The following YY1 variants were observed in gnomAD, a reference collection of about 807,000 sequenced individuals.
YY1 encodes the protein YY1 transcription factor.
YY1 carries 2 observed loss-of-function variants against 35.6 expected under a neutral mutation model. The ratio of observed to expected loss-of-function variants is 0.06; its 90% CI spans 0.02 to 0.18. The LOEUF (loss-of-function observed/expected upper bound fraction) is 0.18, where lower values mean the gene tolerates loss of function less well. Among genes scored for constraint, YY1 ranks in the 10% least tolerant of loss-of-function variants. The probability of loss-of-function intolerance (pLI) is 1.00; values close to 1 mark genes in which losing one functional copy is unlikely to be tolerated. For missense variants in YY1, 322 were observed against 573.4 expected (o/e 0.56, Z 4.48); for synonymous variants, 268 against 238.9 (o/e 1.12, Z -1.12).
chr14:100,257,908 G>A (rs922325982), intron 1 of YY1, among the ~76,000 whole-genome samples: 9 of 152,220 alleles, frequency 5.9e-5, no homozygotes, highest in Non-Finnish European at 1.3e-4. Context: ...GTAGGCCAAG[G>A]CGGATTGCTT....
intron 1 of YY1, among the ~76,000 whole-genome samples, chr14:100,261,827 C>G (rs575830624): frequency 6.6e-6 from 1 of 152,182 alleles, no homozygotes; most frequent in Admixed American, 6.5e-5. Flanking sequence ...TTGGTAGTTG[C>G]CAGGAAATGT....
intron 1 of YY1, among the ~76,000 whole-genome samples, chr14:100,255,546 G>C (rs984518681): frequency 6.6e-6 from 1 of 152,182 alleles, no homozygotes; most frequent in Non-Finnish European, 1.5e-5. Context: ...TTGAACCAGG[G>C]AGGCAGAGGT....
chr14:100,254,940 A>ATTTTTTTTTTTTTTTTTTTTTTTTTT (rs35165026), intron 1 of YY1, among the ~76,000 whole-genome samples: 1 of 29,588 alleles, frequency 3.4e-5, no homozygotes, highest in Non-Finnish European at 5.5e-5. Flanking sequence ...CGCCCAGCTA[A>ATTTTTTTTTTTTTTTTTTTTTTTTTT]TTTTTTTTTT....
intron 2 of YY1, among the ~76,000 whole-genome samples, chr14:100,268,552 G>A (rs572899082): frequency 6.6e-6 from 1 of 152,248 alleles, no homozygotes; most frequent in African/African-American, 2.4e-5. Context: ...GGGTATTTTT[G>A]TTGCTGTTCA....
chr14:100,279,412 G>A lies in YY1; in HGVS notation c.*1812G>A, dbSNP rs1006393216. The A allele has an allele frequency of 6.6e-6, 1 of 152,242 alleles. No homozygotes were observed. Among genetic ancestry groups the A allele is most frequent in the African/African-American group, 2.4e-5 (1 of 41,444 alleles). The allele number at this position is 152,242 out of a possible 1,614,324, so 9.4% of individuals were successfully genotyped here. A position where few individuals can be genotyped will look rare whatever the true frequency, so the allele number is the denominator to read the frequency against. Reference sequence around the variant, plus strand: ...CTACTAACAGTGACCCTGTGGCTCTGTGGAATTTTGAAGTGCCTTTTGTGA... The same window carrying A: ...CTACTAACAGTGACCCTGTGGCTCTATGGAATTTTGAAGTGCCTTTTGTGA... On this transcript the variant is annotated 3_prime_UTR_variant, in exon 5 of 5. Transcript: ENST00000262238.
chr14:100,242,205 G>A (rs1024753184), intron 1 of YY1, among the ~76,000 whole-genome samples: 8 of 151,942 alleles, frequency 5.3e-5, no homozygotes, highest in Non-Finnish European at 1.0e-4. Flanking sequence ...CAAATTGCTG[G>A]TCCACTTTTC....
intron 3 of YY1, 84 bp downstream of exon 3, chr14:100,274,842 C>A: frequency 7.8e-7 from 1 of 1,274,792 alleles, no homozygotes; most frequent in Non-Finnish European, 1.1e-6. Flanking sequence ...TTTGTTTCTG[C>A]TTGTGATAAT....
chr14:100,272,011 G>T (rs1004347658), intron 2 of YY1, among the ~76,000 whole-genome samples: 1 of 152,046 alleles, frequency 6.6e-6, no homozygotes, highest in African/African-American at 2.4e-5. Context: ...GAGAAAGGAC[G>T]AATATCTACA....
At chr14:100,258,166 G>C (rs1009761119) in intron 1 of YY1, among the ~76,000 whole-genome samples, 11 of 152,100 alleles carry the variant, frequency 7.2e-5, no homozygotes, top group African/African-American at 2.4e-4. Context: ...AAAACATGAG[G>C]ACAAATAGCT....
intron 2 of YY1, among the ~76,000 whole-genome samples, chr14:100,263,230 T>C (rs1891109167): frequency 6.6e-6 from 1 of 152,188 alleles, no homozygotes; most frequent in African/African-American, 2.4e-5. Flanking sequence ...ATTTTAAATT[T>C]GGGTGTGTTG....
chr14:100,262,545 T>A, intron 2 of YY1, 79 bp downstream of exon 2: 1 of 1,436,778 alleles, frequency 7.0e-7, no homozygotes, highest in Non-Finnish European at 9.8e-7. Flanking sequence ...TGTGCCTAAG[T>A]CAAAATGGTG....
At chr14:100,241,992 A>AGGGGGG (rs1566767455) in intron 1 of YY1, among the ~76,000 whole-genome samples, 5 of 95,986 alleles carry the variant, frequency 5.2e-5, no homozygotes, top group Non-Finnish European at 9.4e-5. Flanking sequence ...GGGGGGGGGC[A>AGGGGGG]TTTTTTTTTG....
chr14:100,239,817 C>T lies in YY1; in HGVS notation c.573C>T (p.Gly191=), dbSNP rs1320184921. Residue 191 remains glycine (G), a synonymous_variant, in exon 1 of 5, where the codon GGC becomes GGT. Coordinates refer to ENST00000262238, the MANE Select transcript of YY1 (RefSeq NM_003403.5). ...GKKSYLSGGA[G]AAGGGGADPG... is the part of the protein sequence containing the mutation. ...AGAGTTACCTCAGCGGCGGGGCCGG[C>T]GCGGCGGGCGGCGGCGGCGCCGACC... The T allele has an allele frequency of 1.4e-6, 2 of 1,479,762 alleles. No individual in the cohort carries two copies. The highest frequency in any genetic ancestry group is 1.4e-5 in the South Asian group (1 of 73,384). The allele number at this position is 1,479,762 out of a possible 1,614,324, so 91.7% of individuals were successfully genotyped here.
intron 1 of YY1, among the ~76,000 whole-genome samples, chr14:100,241,394 G>C (rs1454084039): frequency 6.6e-6 from 1 of 152,170 alleles, no homozygotes; most frequent in East Asian, 1.9e-4. Flanking sequence ...GAAAAAGCTA[G>C]TTTGTATCTG....
At chr14:100,242,631 G>T (rs1452379780) in intron 1 of YY1, among the ~76,000 whole-genome samples, 1 of 151,372 alleles carries the variant, frequency 6.6e-6, no homozygotes, top group Admixed American at 6.6e-5. Flanking sequence ...CTCGTGATCC[G>T]CCTGCCTCGG....
At chr14:100,269,310 T>A (rs1033258951) in intron 2 of YY1, among the ~76,000 whole-genome samples, 4 of 152,200 alleles carry the variant, frequency 2.6e-5, no homozygotes, top group Non-Finnish European at 5.9e-5. Context: ...GCATTATACC[T>A]TTTTACAGAA....
rs36009825 is a variant in YY1 at position 100,281,061 on chromosome 14, C to CAAAAAAAAAAA, written c.*3477_*3487dup. 1 of 100,882 alleles carries CAAAAAAAAAAA rather than the reference C, an allele frequency of 9.9e-6. No homozygotes were observed. The highest frequency in any genetic ancestry group is 4.9e-5 in the African/African-American group (1 of 20,574). 6.2% of individuals were successfully genotyped at this position (100,882 alleles called of 1,614,324 possible). ...GGTGACAGAGCAAGACTCCGTCTCCCAAAAAAAAAAAAAAAAAAAAAAAAA... is the reference window on the plus strand; with the variant it reads ...GGTGACAGAGCAAGACTCCGTCTCCCAAAAAAAAAAAAAAAAAAAAAAAAAAAAAAAAAAAA... On this transcript the variant is annotated 3_prime_UTR_variant, in exon 5 of 5. Coordinates refer to ENST00000262238, the MANE Select transcript of YY1 (RefSeq NM_003403.5).
intron 1 of YY1, among the ~76,000 whole-genome samples, chr14:100,246,120 A>G (rs998769109): frequency 1.1e-4 from 16 of 152,196 alleles, no homozygotes; most frequent in African/African-American, 3.9e-4. Context: ...TTGCATTGCC[A>G]TGTGCATAAA....
intron 1 of YY1, among the ~76,000 whole-genome samples, chr14:100,252,308 T>TGAGC (rs1890936343): frequency 6.6e-6 from 1 of 152,198 alleles, no homozygotes; most frequent in South Asian, 2.1e-4. Flanking sequence ...TTTGGTAACA[T>TGAGC]AGAAGAACAC....
Sources: gnomAD v4.1 joint callset for allele counts (sites outside exome capture counted in the v4.1 genomes callset) on GRCh38, gnomAD v4.1.1 for gene constraint, MANE v1.5 for transcripts, NCBI Gene and HGNC (gene_info 2026-07-23, HGNC 2026-07-21) for gene names.